Variants in CEP170B observed in about 807,000 individuals in gnomAD.
CEP170B encodes centrosomal protein of 170 kDa protein B.
A neutral mutation model predicts 120.6 loss-of-function variants in CEP170B; 55 were observed. That is an observed-to-expected ratio of 0.46 (90% CI 0.37 to 0.57). The LOEUF is 0.57. CEP170B is among the 20% of genes least tolerant of loss of function. The pLI, the probability that CEP170B is intolerant of heterozygous loss-of-function variation, is 0.00. For missense variants in CEP170B, 2,212 were observed against 2,253.3 expected (o/e 0.98, Z 0.37); for synonymous variants, 1,033 against 954.5 (o/e 1.08, Z -1.52).
chr14:104,894,202 A>G, intron 16 of CEP170B, 83 bp from the exon 17 acceptor site: 1 of 1,110,000 alleles, frequency 9.0e-7, no homozygotes, highest in South Asian at 1.3e-5. Flanking sequence ...TCACCATGGC[A>G]GAGGAGGTCT....
chr14:104,876,810 G>C (rs1003409807), intron 3 of CEP170B, among the ~76,000 whole-genome samples: 1 of 152,254 alleles, frequency 6.6e-6, no homozygotes, highest in African/African-American at 2.4e-5. Flanking sequence ...CCCAGTCTGG[G>C]TATGGGTGGA....
In CEP170B at chr14:104,891,483, G is replaced by A. The variant is rs1896854679; in HGVS notation, c.3879-1493G>A. The stretch of plus-strand genomic sequence containing the variant: ...TGGGGTGGAGGCGCAGGCACCTGAG[G>A]CTGTGAGCAGCATGAAGTTGGTGGG... On this transcript the variant is annotated intron_variant, in intron 13 of 18. Transcript: ENST00000414716. The surrounding 1 kb of genome is among the most constrained non-coding windows in gnomAD (Gnocchi z 4.3). Among the ~76,000 whole-genome samples, 1 of 152,124 alleles carries A rather than the reference G, an allele frequency of 6.6e-6. No individual in the cohort carries two copies.
chr14:104,865,189 C>A (rs1326706573), upstream of CEP170B: 3 of 78,760 alleles, frequency 3.8e-5, no homozygotes, highest in Non-Finnish European at 2.4e-5. The surrounding 1 kb of genome is among the most constrained non-coding windows in gnomAD (Gnocchi z 6.7). Context: ...GCGCGGGGTG[C>A]GGCGCGGCCG....
At position 104,887,327 on chromosome 14, in the gene CEP170B, G is replaced by T. The variant is rs1450338146; in HGVS notation, c.3088G>T (p.Ala1030Ser). Residue 1030 changes from alanine (A) to serine (S), a missense_variant, in exon 12 of 19, where the codon GCC becomes TCC. This residue lies in a region of CEP170B where 2,166 missense variants were observed against 2,166.7 expected (regional missense o/e 1.00). Coordinates refer to ENST00000414716, the MANE Select transcript of CEP170B (RefSeq NM_001112726.3). ...MGRGEPVRRS[A>S]IRRGHRPRGS... Reference sequence around the variant, plus strand: ...CCGTGGAGAGCCGGTACGGCGCTCAGCCATAAGGCGTGGCCACAGGCCCCG... The same window carrying T: ...CCGTGGAGAGCCGGTACGGCGCTCATCCATAAGGCGTGGCCACAGGCCCCG... The T allele has an allele frequency of 2.5e-6, 4 of 1,611,054 alleles. No homozygotes were observed. The highest frequency in any genetic ancestry group is 1.1e-5 in the South Asian group (1 of 90,922).
chr14:104,891,341 G>C lies in CEP170B; in HGVS notation c.3878+1583G>C, dbSNP rs1488166183. Among the ~76,000 whole-genome samples, 2 of 152,058 alleles carry C rather than the reference G, an allele frequency of 1.3e-5. No individual in the cohort carries two copies. Among genetic ancestry groups the C allele is most frequent in the Admixed American group, 1.3e-4 (2 of 15,270 alleles). On this transcript the variant is annotated intron_variant, in intron 13 of 18. Transcript: ENST00000414716. This position sits in a 1 kb window ranked among gnomAD's most constrained non-coding sequence, Gnocchi z 4.3. ...AAAGGCTGTGGGGCAGGCAGGGGGGGTCCCAGGACCAGGGTGGATGGCAAG... is the reference window on the plus strand; with the variant it reads ...AAAGGCTGTGGGGCAGGCAGGGGGGCTCCCAGGACCAGGGTGGATGGCAAG...
At position 104,889,648 on chromosome 14, in the gene CEP170B, C is replaced by T. The variant is rs1896690801; in HGVS notation, c.3768C>T (p.Ser1256=). The T allele has an allele frequency of 6.2e-7, 1 of 1,612,046 alleles. No homozygotes were observed. The highest frequency in any genetic ancestry group is 8.5e-7 in the Non-Finnish European group (1 of 1,179,754). Residue 1256 remains serine (S), a synonymous_variant, in exon 13 of 19, where the codon TCC becomes TCT. Transcript: ENST00000414716. ...STTQTPRAGS[S]SRARSRAPGP... Reference sequence around the variant, plus strand: ...CTCAGACCCCGAGGGCTGGCAGCTCCAGCCGGGCTCGTTCCCGGGCCCCCG... The same window carrying T: ...CTCAGACCCCGAGGGCTGGCAGCTCTAGCCGGGCTCGTTCCCGGGCCCCCG...
Position 104,868,488 on chromosome 14 carries a change from G to C in CEP170B, c.38G>C (p.Gly13Ala). 1 of 1,549,406 alleles carries C rather than the reference G, an allele frequency of 6.5e-7. No homozygotes were observed. The highest frequency in any genetic ancestry group is 8.7e-7 in the Non-Finnish European group (1 of 1,146,924). Residue 13 changes from glycine to alanine, a missense_variant, in exon 2 of 19, where the codon GGC (glycine) becomes GCC (alanine). Coordinates refer to ENST00000414716, the MANE Select transcript of CEP170B (RefSeq NM_001112726.3). The surrounding 1 kb of genome is among the most constrained non-coding windows in gnomAD (Gnocchi z 5.9). The stretch of plus-strand genomic sequence containing the variant: ...TCCTGGTTCCTGGTGAGCAGCAGCG[G>C]CGCCCGCCACCGGCTCCCTCGGGAG... ...ATSWFLVSSSGARHRLPRELI... is the reference protein window; with the variant it reads ...ATSWFLVSSSAARHRLPRELI...
chr14:104,890,946 T>A (rs1595359042), intron 13 of CEP170B, among the ~76,000 whole-genome samples: 1 of 63,220 alleles, frequency 1.6e-5, no homozygotes, highest in African/African-American at 6.6e-5. Flanking sequence ...GATGGATGGG[T>A]GGGTGGGTGG....
chr14:104,877,833 G>GCCCCCCCCCCCCCCCCCCCCCCCCCCC, intron 3 of CEP170B, 52 bp from the exon 4 acceptor site: 11 of 359,794 alleles, frequency 3.1e-5, no homozygotes, highest in Admixed American at 5.8e-5. Context: ...CCTGCCCACA[G>GCCCCCCCCCCCCCCCCCCCCCCCCCCC]CCACCCACCC....
chr14:104,869,816 CT>C (rs1895381502), intron 2 of CEP170B, among the ~76,000 whole-genome samples: 1 of 152,214 alleles, frequency 6.6e-6, no homozygotes, highest in Non-Finnish European at 1.5e-5. Context: ...GCGCCTAGAT[CT>C]CGGGCTTCCA....
chr14:104,872,505 T>TGTGTGTGC lies in CEP170B; in HGVS notation c.106-3749_106-3748insGTGTGCGT, dbSNP rs1419980847. Among the ~76,000 whole-genome samples, 5 of 106,120 alleles carry TGTGTGTGC rather than the reference T, an allele frequency of 4.7e-5. No homozygotes were observed. The South Asian group carries it at 1.4e-3, about 31-fold the overall frequency. The allele number at this position is 106,120 out of a possible 152,430, so 69.6% of individuals were successfully genotyped here. A position where few individuals can be genotyped will look rare whatever the true frequency, so the allele number is the denominator to read the frequency against. On this transcript the variant is annotated intron_variant, in intron 2 of 18. Coordinates refer to ENST00000414716, the MANE Select transcript of CEP170B (RefSeq NM_001112726.3). ...CGTGTGTGCCGTGTGTGTGTGCGTG[T>TGTGTGTGC]GTAAGTGTGCATGTGCATACATGTG...
Position 104,886,663 on chromosome 14 carries a change from A to G in CEP170B, c.2424A>G (p.Leu808=). The G allele has an allele frequency of 1.3e-6, 2 of 1,537,962 alleles. No individual in the cohort carries two copies. The highest frequency in any genetic ancestry group is 1.7e-6 in the Non-Finnish European group (2 of 1,145,294). The change falls in exon 12 of 19, where the codon TTA becomes TTG. Residue 808 remains leucine, a synonymous_variant. Coordinates refer to ENST00000414716, the MANE Select transcript of CEP170B (RefSeq NM_001112726.3). ...GGGACCAGAATGGGGACGCTGTGTT[A>G]TCTAGGAAACCGCTTGCGGCTCCAG... The part of the protein sequence containing the change: ...FIGDQNGDAV[L]SRKPLAAPGD...
chr14:104,868,353 G>C lies in CEP170B; in HGVS notation c.-27-71G>C, dbSNP rs1895294837. 5 of 1,079,540 alleles carry C rather than the reference G, an allele frequency of 4.6e-6. No individual in the cohort carries two copies. The East Asian group carries it at 1.0e-4, about 22-fold the overall frequency. 66.9% of individuals were successfully genotyped at this position (1,079,540 alleles called of 1,614,324 possible). ...CCTTAGAGGGTCAGGATCTGGGCTG[G>C]GCCTTGGATGTGTCCAGGGGGCTAA... On this transcript the variant is annotated intron_variant, in intron 1 of 18. Transcript: ENST00000414716. This position sits in a 1 kb window ranked among gnomAD's most constrained non-coding sequence, Gnocchi z 5.9.
rs1896528195 is a variant in CEP170B, at chr14:104,886,636, T to G, written c.2397T>G (p.Ile799Met). The stretch of plus-strand genomic sequence containing the variant: ...AGCCAACTCCCGCCTCTTTCTTCAT[T>G]GGGGACCAGAATGGGGACGCTGTGT... ...PGEPTPASFF[I>M]GDQNGDAVLS... The change falls in exon 12 of 19, where the codon ATT (isoleucine) becomes ATG (methionine). Residue 799 changes from isoleucine (I) to methionine (M), a missense_variant. Around this residue, in one of 2 missense-constraint regions of CEP170B, gnomAD observed 2,166 missense variants for 2,166.7 expected, o/e 1.00. Transcript: ENST00000414716. 6.6e-7 allele frequency: 1 copy of G among 1,524,528 alleles called. No homozygotes were observed. Among genetic ancestry groups the G allele is most frequent in the African/African-American group, 1.4e-5 (1 of 72,036 alleles). The allele number at this position is 1,524,528 out of a possible 1,614,324, so 94.4% of individuals were successfully genotyped here.
chr14:104,889,416 C>A, intron 12 of CEP170B: 1 of 1,352,700 alleles, frequency 7.4e-7, no homozygotes. Flanking sequence ...CCCAGCCCTG[C>A]AGCACTGAGC....
At position 104,894,971 on chromosome 14, in the gene CEP170B, G is replaced by A; in HGVS notation, c.*13G>A. The A allele has an allele frequency of 1.9e-6, 3 of 1,544,524 alleles. No individual in the cohort carries two copies. The highest frequency in any genetic ancestry group is 2.6e-6 in the Non-Finnish European group (3 of 1,141,226). ...GTTCCTGATCTAGGCCCCAGACCTG[G>A]CCAGGCCAGCCTCCCTGTGCGTGTG... On this transcript the variant is annotated 3_prime_UTR_variant, in exon 19 of 19. Transcript: ENST00000414716.
chr14:104,887,992 CG>C lies in CEP170B; in HGVS notation c.3739+17del. The stretch of plus-strand genomic sequence containing the variant: ...GATACACCTCCAGTGAGTGCCAGGG[CG>C]GGTGGGAGGCCAGGGCCAAGACAGG... On this transcript the variant is annotated intron_variant, in intron 12 of 18. Coordinates refer to ENST00000414716, the MANE Select transcript of CEP170B (RefSeq NM_001112726.3). 4.1e-6 allele frequency: 6 copies of C among 1,471,260 alleles called. No homozygotes were observed. The highest frequency in any genetic ancestry group is 4.5e-6 in the Non-Finnish European group (5 of 1,110,708). 91.1% of individuals were successfully genotyped at this position (1,471,260 alleles called of 1,614,324 possible). A position where few individuals can be genotyped will look rare whatever the true frequency, so the allele number is the denominator to read the frequency against.
At position 104,894,301 on chromosome 14, in the gene CEP170B, A is replaced by C; in HGVS notation, c.4288A>C (p.Thr1430Pro). The C allele has an allele frequency of 6.2e-7, 1 of 1,613,284 alleles. No homozygotes were observed. Among genetic ancestry groups the C allele is most frequent in the Non-Finnish European group, 8.5e-7 (1 of 1,179,686 alleles). The change falls in exon 17 of 19, where the codon ACA (threonine) becomes CCA (proline). Residue 1430 changes from threonine (T) to proline (P), a missense_variant. Transcript: ENST00000414716. ...AEKMKILFQN[T>P]GRAWEDLEAR... ...CTCGGACAGGATCCTCTTTCAGAACACAGGGAGAGCTTGGGAGGACCTGGA... is the reference window on the plus strand; with the variant it reads ...CTCGGACAGGATCCTCTTTCAGAACCCAGGGAGAGCTTGGGAGGACCTGGA...
At chr14:104,894,645 C>T (rs2140763410) in intron 18 of CEP170B, 57 bp downstream of exon 18, 4 of 1,587,754 alleles carry the variant, frequency 2.5e-6, no homozygotes, top group South Asian at 1.1e-5. Context: ...TTGTGGGGAA[C>T]CCTGACTCAC....
Sources: gnomAD v4.1 joint callset for allele counts (sites outside exome capture counted in the v4.1 genomes callset) on GRCh38, gnomAD v4.1.1 for gene constraint, gnomAD v4.1.1 regional missense constraint, Gnocchi (gnomAD v3.1) non-coding constraint, MANE v1.5 for transcripts, NCBI Gene and HGNC (gene_info 2026-07-23, HGNC 2026-07-21) for gene names.